Variants in KHDRBS2 observed in about 807,000 individuals in gnomAD.
KHDRBS2 encodes the protein KH domain-containing, RNA-binding, signal transduction-associated protein 2.
KHDRBS2 carries 26 observed loss-of-function variants against 44.3 expected under a neutral mutation model. The ratio of observed to expected loss-of-function variants is 0.59; its 90% CI spans 0.43 to 0.81. The LOEUF is 0.81. Among genes scored for constraint, KHDRBS2 ranks in the 40% least tolerant of loss-of-function variants. The pLI is 0.00. For synonymous variants in KHDRBS2, 194 were observed against 151.1 expected (o/e 1.28, Z -2.08); for missense variants, 476 against 433.1 (o/e 1.10, Z -0.88).
Position 61,831,057 on chromosome 6 carries a change from A to AAGAGAAGT in KHDRBS2, c.810+63577_810+63578insACTTCTCT, listed in dbSNP as rs1368214949. ...TAATTAGATCAGATGTACTTCTCTT[A>AAGAGAAGT]ACATACTTAAAAATGCACTGAACAT... is the stretch of plus-strand genomic sequence containing the variant. On this transcript the variant is annotated intron_variant, in intron 6 of 8. Coordinates refer to ENST00000281156, the MANE Select transcript of KHDRBS2 (RefSeq NM_152688.4). 2.3e-4 allele frequency among the ~76,000 whole-genome samples: 35 copies of AAGAGAAGT among 152,324 alleles called. No individual in the cohort carries two copies. In the East Asian group the frequency reaches 2.5e-3, roughly 11 times the overall value.
chr6:61,549,072 A>G, the KHDRBS2 span, among the ~76,000 whole-genome samples: 1 of 152,208 alleles, frequency 6.6e-6, no homozygotes, highest in Non-Finnish European at 1.5e-5. Flanking sequence ...ATGTAAACAT[A>G]ACGTGAAATA....
chr6:61,573,787 C>A, the KHDRBS2 span, among the ~76,000 whole-genome samples: 30 of 72,884 alleles, frequency 4.1e-4, 1 homozygote, highest in East Asian at 4.0e-3. Flanking sequence ...GAAACTCTGT[C>A]TCAGGAAAAA....
intron 7 of KHDRBS2, among the ~76,000 whole-genome samples, chr6:61,716,859 A>G (rs1771523342): frequency 6.6e-6 from 1 of 151,988 alleles, no homozygotes; most frequent in Admixed American, 6.6e-5. Flanking sequence ...GTTCTTTCAG[A>G]ATTTAGGATG....
At chr6:62,211,231 T>C (rs1176415251) in intron 1 of KHDRBS2, among the ~76,000 whole-genome samples, 2 of 152,078 alleles carry the variant, frequency 1.3e-5, no homozygotes, top group South Asian at 2.1e-4. Context: ...AGCAGGATAT[T>C]ATATAAATAA....
intron 5 of KHDRBS2, among the ~76,000 whole-genome samples, chr6:61,899,882 T>C (rs1803641744): frequency 6.6e-6 from 1 of 152,090 alleles, no homozygotes; most frequent in African/African-American, 2.4e-5. Flanking sequence ...ATTCAACTTA[T>C]GATTAAATCC....
chr6:62,140,427 G>A (rs1034854823), intron 2 of KHDRBS2, among the ~76,000 whole-genome samples: 1 of 152,186 alleles, frequency 6.6e-6, no homozygotes, highest in Non-Finnish European at 1.5e-5. Flanking sequence ...TAGAGGCAGG[G>A]ACAGTCGGGA....
chr6:62,237,665 T>C (rs1476359378), intron 1 of KHDRBS2, among the ~76,000 whole-genome samples: 2 of 152,290 alleles, frequency 1.3e-5, no homozygotes, highest in Non-Finnish European at 2.9e-5. Flanking sequence ...TGAGAAAATA[T>C]ACCAGTCATT....
chr6:61,694,898 G>T (rs1561978841), intron 8 of KHDRBS2, among the ~76,000 whole-genome samples: 1 of 152,096 alleles, frequency 6.6e-6, no homozygotes, highest in African/African-American at 2.4e-5. Flanking sequence ...ATTTGTTTTG[G>T]AAAATAGTTC....
chr6:61,839,946 T>C (rs1360812271), intron 6 of KHDRBS2, among the ~76,000 whole-genome samples: 1 of 152,134 alleles, frequency 6.6e-6, no homozygotes, highest in Non-Finnish European at 1.5e-5. Context: ...AATATTTATG[T>C]TAGAATGAAA....
At chr6:61,769,846 C>A (rs1156338144) in intron 6 of KHDRBS2, among the ~76,000 whole-genome samples, 4 of 152,178 alleles carry the variant, frequency 2.6e-5, no homozygotes, top group Non-Finnish European at 5.9e-5. Context: ...TAGTGGTTCT[C>A]CCAGCACGCA....
the KHDRBS2 span, among the ~76,000 whole-genome samples, chr6:61,626,991 C>A: frequency 6.6e-6 from 1 of 151,976 alleles, no homozygotes; most frequent in East Asian, 1.9e-4. Flanking sequence ...CGGTGGCTCA[C>A]GCCTGTAATC....
the KHDRBS2 span, among the ~76,000 whole-genome samples, chr6:61,558,393 C>T: frequency 5.4e-3 from 821 of 151,830 alleles, 5 homozygotes; most frequent in Non-Finnish European, 0.01. Flanking sequence ...AAAACCCTGT[C>T]TCTAAAAACT....
At chr6:62,041,205 C>T (rs1397555696) in intron 3 of KHDRBS2, among the ~76,000 whole-genome samples, 1 of 151,950 alleles carries the variant, frequency 6.6e-6, no homozygotes, top group Non-Finnish European at 1.5e-5. Flanking sequence ...GTGGCGGGCG[C>T]CTGTAATCCC....
intron 6 of KHDRBS2, among the ~76,000 whole-genome samples, chr6:61,851,277 G>T (rs1237300270): frequency 6.6e-6 from 1 of 151,822 alleles, no homozygotes; most frequent in Admixed American, 6.6e-5. Flanking sequence ...ATATATGTGT[G>T]TGTATATGTG....
the KHDRBS2 span, among the ~76,000 whole-genome samples, chr6:61,601,250 C>G: frequency 2.0e-5 from 3 of 151,978 alleles, no homozygotes; most frequent in Non-Finnish European, 2.9e-5. Context: ...TCCTGGGGGG[C>G]AGGCACCCCC....
intron 6 of KHDRBS2, among the ~76,000 whole-genome samples, chr6:61,831,499 G>C (rs1016961438): frequency 4.0e-5 from 6 of 151,862 alleles, no homozygotes; most frequent in African/African-American, 1.5e-4. Context: ...CGTTTGAAAG[G>C]TATTCTGATT....
intron 2 of KHDRBS2, among the ~76,000 whole-genome samples, chr6:62,118,909 C>T (rs1806939998): frequency 6.6e-6 from 1 of 152,168 alleles, no homozygotes; most frequent in Non-Finnish European, 1.5e-5. Flanking sequence ...CTCAGACTGG[C>T]TTCCGGCTTG....
intron 3 of KHDRBS2, among the ~76,000 whole-genome samples, chr6:62,035,388 G>A (rs183377792): frequency 1.3e-5 from 2 of 152,092 alleles, no homozygotes; most frequent in East Asian, 3.9e-4. Flanking sequence ...AAATAAGCCA[G>A]TATAGAAAGA....
chr6:61,773,941 A>G (rs1267873079), intron 6 of KHDRBS2, among the ~76,000 whole-genome samples: 2 of 152,114 alleles, frequency 1.3e-5, no homozygotes, highest in African/African-American at 2.4e-5. Flanking sequence ...TTTGTCAAAG[A>G]TCAGATAGTT....
Sources: gnomAD v4.1 joint callset for allele counts (sites outside exome capture counted in the v4.1 genomes callset) on GRCh38, gnomAD v4.1.1 for gene constraint, MANE v1.5 for transcripts, NCBI Gene and HGNC (gene_info 2026-07-23, HGNC 2026-07-21) for gene names.